PDZD2: variants seen among roughly 807,000 people sequenced by gnomAD.
The protein encoded by PDZD2 is PDZ domain containing 2, also known as PDZ domain-containing protein 2.
A neutral mutation model predicts 220.7 loss-of-function variants in PDZD2; 90 were observed. The observed-to-expected ratio is 0.41, with a 90% CI of 0.34 to 0.49. PDZD2 has a LOEUF of 0.49. Ranked by LOEUF, PDZD2 falls within the 20% of genes least tolerant of loss-of-function variation. The pLI is 0.28. For synonymous variants in PDZD2, 1,375 were observed against 1,450.5 expected, an observed-to-expected ratio of 0.95 and a Z score of 1.18; for missense variants, 3,174 against 3,608.5, an observed-to-expected ratio of 0.88 and a Z score of 3.08.
chr5:31,831,850 G>T (rs1216311871), intron 2 of PDZD2, among the ~76,000 whole-genome samples: 3 of 143,386 alleles, frequency 2.1e-5, no homozygotes, highest in African/African-American at 7.9e-5. Context: ...GGAGGTGGAG[G>T]TTGCAGTGAG....
intron 6 of PDZD2, among the ~76,000 whole-genome samples, chr5:32,034,309 A>G (rs1434349110): frequency 6.6e-6 from 1 of 151,854 alleles, no homozygotes; most frequent in Non-Finnish European, 1.5e-5. Context: ...CTTACTCTGA[A>G]GGTCGATAGC....
At chr5:31,840,433 TATATATATATATA>T (rs1561499263) in intron 2 of PDZD2, 1,228 of 93,698 alleles carry the variant, frequency 0.013, 93 homozygotes, top group African/African-American at 0.018. Flanking sequence ...TATATATATA[TATATATATATATA>T]TATTTGTTTA....
chr5:31,930,214 TTTTTTTTTTTGG>T (rs756273502), intron 2 of PDZD2, among the ~76,000 whole-genome samples: 1 of 119,754 alleles, frequency 8.4e-6, no homozygotes, highest in Non-Finnish European at 1.7e-5. Flanking sequence ...TTTTTTTTTT[TTTTTTTTTTTGG>T]AGACAGTCTC....
intron 2 of PDZD2, among the ~76,000 whole-genome samples, chr5:31,866,706 C>A (rs1738263604): frequency 6.6e-6 from 1 of 152,104 alleles, no homozygotes; most frequent in Non-Finnish European, 1.5e-5. Context: ...TTCTTGGGAC[C>A]CAACGTTTTG....
intron 2 of PDZD2, among the ~76,000 whole-genome samples, chr5:31,864,951 C>T (rs867926032): frequency 8.1e-6 from 1 of 123,970 alleles, no homozygotes; most frequent in African/African-American, 3.7e-5. Flanking sequence ...TGGGTTCATG[C>T]TGTTCTCCTG....
intron 2 of PDZD2, among the ~76,000 whole-genome samples, chr5:31,915,510 A>C (rs1371130590): frequency 6.6e-6 from 1 of 152,158 alleles, no homozygotes; most frequent in East Asian, 1.9e-4. Flanking sequence ...CAAACTCTCC[A>C]GGAAAGCCCT....
rs1561471942 is a variant in PDZD2 at position 31,803,106 on chromosome 5, T to TTTTA, written c.476+3385_476+3386insATTT. 4.7e-5 allele frequency among the ~76,000 whole-genome samples: 7 copies of TTTTA among 149,358 alleles called. No individual in the cohort carries two copies. The South Asian group carries it at 8.6e-4, about 18-fold the overall frequency. ...CCTTTATTTTATTTTATTTTATTTTTTTTTTTTGCAGACAGCGTCTTACTC... is the reference window on the plus strand; with the variant it reads ...CCTTTATTTTATTTTATTTTATTTTTTTTATTTTTTTGCAGACAGCGTCTTACTC... On this transcript the variant is annotated intron_variant, in intron 2 of 24. Coordinates refer to ENST00000438447, the MANE Select transcript of PDZD2 (RefSeq NM_178140.4).
intron 7 of PDZD2, among the ~76,000 whole-genome samples, chr5:32,039,481 T>C (rs1755849269): frequency 6.6e-6 from 1 of 152,294 alleles, no homozygotes; most frequent in African/African-American, 2.4e-5. Flanking sequence ...GCCGCCTGCC[T>C]TGGCCTCCCA....
At chr5:31,993,623 C>T (rs966622016) in intron 3 of PDZD2, among the ~76,000 whole-genome samples, 1 of 152,176 alleles carries the variant, frequency 6.6e-6, no homozygotes, top group Non-Finnish European at 1.5e-5. Context: ...CCATGTTGTA[C>T]CTTAACGGTT....
chr5:31,870,909 A>G (rs1738734681), intron 2 of PDZD2, among the ~76,000 whole-genome samples: 1 of 151,854 alleles, frequency 6.6e-6, no homozygotes, highest in Non-Finnish European at 1.5e-5. Flanking sequence ...AAAAAAAGGA[A>G]CAAGTTAAGA....
At chr5:31,839,451 A>G (rs554460027) in intron 2 of PDZD2, among the ~76,000 whole-genome samples, 241 of 152,318 alleles carry the variant, frequency 1.6e-3, no homozygotes, top group South Asian at 4.1e-3. Flanking sequence ...TAACTGGCAA[A>G]TATTTGGTTC....
chr5:31,727,088 G>A (rs893990817), intron 1 of PDZD2, among the ~76,000 whole-genome samples: 2 of 152,092 alleles, frequency 1.3e-5, no homozygotes, highest in African/African-American at 2.4e-5. Context: ...TCACTATCAC[G>A]AAGACAGCAC....
At chr5:31,923,397 A>T in intron 2 of PDZD2, 1 of 1,252,946 alleles carries the variant, frequency 8.0e-7, no homozygotes, top group Non-Finnish European at 1.2e-6. Context: ...GGCCAAGCAG[A>T]GACTGCAGCA....
intron 1 of PDZD2, among the ~76,000 whole-genome samples, chr5:31,641,574 T>G (rs1744950216): frequency 1.3e-5 from 2 of 151,088 alleles, no homozygotes; most frequent in South Asian, 2.1e-4. Flanking sequence ...CTGGGTCTCA[T>G]TGTTGCCCAG....
At chr5:31,963,455 G>T (rs771121267) in intron 2 of PDZD2, among the ~76,000 whole-genome samples, 1 of 152,180 alleles carries the variant, frequency 6.6e-6, no homozygotes, top group African/African-American at 2.4e-5. Context: ...TGGGAGAGGC[G>T]GGGGCTGTGC....
chr5:31,713,710 G>A (rs1364398046), intron 1 of PDZD2, among the ~76,000 whole-genome samples: 1 of 152,158 alleles, frequency 6.6e-6, no homozygotes, highest in African/African-American at 2.4e-5. Context: ...ACCACACACA[G>A]CTAATTTTGT....
At chr5:32,035,926 CTTTG>C (rs1755502537) in intron 6 of PDZD2, among the ~76,000 whole-genome samples, 1 of 152,054 alleles carries the variant, frequency 6.6e-6, no homozygotes, top group African/African-American at 2.4e-5. Flanking sequence ...CATCATCAAC[CTTTG>C]TTTTGTTTTG....
chr5:31,885,920 G>T (rs1018598040), intron 2 of PDZD2, among the ~76,000 whole-genome samples: 3 of 148,092 alleles, frequency 2.0e-5, no homozygotes, highest in Non-Finnish European at 3.0e-5. Context: ...TAGTTTTTTG[G>T]TTTTTTTTTT....
intron 23 of PDZD2, 144 bp from the exon 24 acceptor site, chr5:32,100,961 T>G: frequency 6.2e-7 from 1 of 1,600,336 alleles, no homozygotes; most frequent in Non-Finnish European, 8.5e-7. Context: ...AGTGCTGTTA[T>G]AAGTAAGTAA....
Sources: allele counts gnomAD v4.1 joint callset (sites outside exome capture counted in the v4.1 genomes callset), GRCh38; gene constraint gnomAD v4.1.1; transcripts MANE v1.5; gene names NCBI Gene and HGNC (gene_info 2026-07-23, HGNC 2026-07-21).